Variants in SORBS2 observed in about 807,000 individuals in gnomAD.
SORBS2 encodes the protein sorbin and SH3 domain containing 2.
A neutral mutation model predicts 97.7 loss-of-function variants in SORBS2; 46 were observed. That is an observed-to-expected ratio of 0.47 (90% CI 0.37 to 0.60). SORBS2 has a LOEUF of 0.60. Ranked by LOEUF, SORBS2 falls within the 20% of genes least tolerant of loss-of-function variation. The pLI, the probability that SORBS2 is intolerant of heterozygous loss-of-function variation, is 0.00. For missense variants in SORBS2, 1,316 were observed against 1,282.3 expected, an observed-to-expected ratio of 1.03 and a Z score of -0.40; for synonymous variants, 476 against 473.4, an observed-to-expected ratio of 1.01 and a Z score of -0.07.
chr4:185,868,804 T>C (rs1372776039), intron 1 of SORBS2, among the ~76,000 whole-genome samples: 1 of 152,202 alleles, frequency 6.6e-6, no homozygotes, highest in Non-Finnish European at 1.5e-5. Context: ...TATTTTTGAA[T>C]CAGTAGAGAA....
At chr4:185,722,111 C>T (rs2098519369) in intron 2 of SORBS2, among the ~76,000 whole-genome samples, 1 of 152,172 alleles carries the variant, frequency 6.6e-6, no homozygotes, top group African/African-American at 2.4e-5. Context: ...TGCTTCAGAA[C>T]TACCCACAAA....
chr4:185,716,683 G>C (rs2098467850), intron 2 of SORBS2, among the ~76,000 whole-genome samples: 2 of 152,174 alleles, frequency 1.3e-5, no homozygotes, highest in South Asian at 4.1e-4. Context: ...CACAGATGGT[G>C]GAGTAAAATC....
intron 1 of SORBS2, among the ~76,000 whole-genome samples, chr4:185,777,035 C>G (rs1045354966): frequency 6.6e-6 from 1 of 151,760 alleles, no homozygotes; most frequent in Admixed American, 6.6e-5. Flanking sequence ...ATGGAAAATA[C>G]TGAGGATTAT....
intron 1 of SORBS2, among the ~76,000 whole-genome samples, chr4:185,901,112 T>C (rs1310068707): frequency 6.6e-6 from 1 of 152,228 alleles, no homozygotes; most frequent in African/African-American, 2.4e-5. Context: ...CAAAATTCAA[T>C]TTATATCTAT....
At chr4:185,864,946 G>A (rs1304380106) in intron 1 of SORBS2, among the ~76,000 whole-genome samples, 1 of 151,196 alleles carries the variant, frequency 6.6e-6, no homozygotes, top group East Asian at 1.9e-4. Flanking sequence ...TATCCTGGAC[G>A]GTGGGTTGTG....
chr4:185,625,451 CT>C (rs1278487648), intron 6 of SORBS2, among the ~76,000 whole-genome samples: 1 of 152,164 alleles, frequency 6.6e-6, no homozygotes. Flanking sequence ...CTATTCAATA[CT>C]TATACCTTAC....
chr4:185,677,235 A>G (rs1227824736), intron 4 of SORBS2: 1 of 1,551,644 alleles, frequency 6.4e-7, no homozygotes, highest in South Asian at 1.2e-5. Flanking sequence ...AGATTTGGAG[A>G]ACTGTGGAGT....
intron 2 of SORBS2, among the ~76,000 whole-genome samples, chr4:185,761,263 T>A (rs2098888226): frequency 6.6e-6 from 1 of 152,232 alleles, no homozygotes; most frequent in Non-Finnish European, 1.5e-5. Flanking sequence ...TGAATGTTGA[T>A]CTTGAAAATC....
chr4:185,933,506 C>G (rs958605338), intron 1 of SORBS2: 1 of 152,094 alleles, frequency 6.6e-6, no homozygotes, highest in Non-Finnish European at 1.5e-5. Flanking sequence ...AGACTGGTTC[C>G]TTCTGAGGCT....
intron 2 of SORBS2, among the ~76,000 whole-genome samples, chr4:185,692,685 G>T (rs940367984): frequency 2.6e-5 from 4 of 152,052 alleles, no homozygotes; most frequent in Non-Finnish European, 4.4e-5. Context: ...AATGATGAAA[G>T]AAAATAACAT....
At chr4:185,918,186 C>T (rs1327937817) in intron 1 of SORBS2, 2 of 152,124 alleles carry the variant, frequency 1.3e-5, no homozygotes, top group East Asian at 3.9e-4. Context: ...TAATCACCAA[C>T]ATTTCTTTGA....
At chr4:185,838,746 C>T (rs1275429929) in intron 1 of SORBS2, among the ~76,000 whole-genome samples, 1 of 152,162 alleles carries the variant, frequency 6.6e-6, no homozygotes, top group Non-Finnish European at 1.5e-5. Flanking sequence ...TTGCCTCTGC[C>T]TCGGGCTCTC....
At chr4:185,722,932 A>G (rs2153562012) in intron 2 of SORBS2, among the ~76,000 whole-genome samples, 1 of 152,246 alleles carries the variant, frequency 6.6e-6, no homozygotes, top group East Asian at 1.9e-4. Context: ...GAAGAAGGCA[A>G]ACATCTGAGA....
intron 1 of SORBS2, among the ~76,000 whole-genome samples, chr4:185,928,614 T>G (rs1018944500): frequency 6.6e-6 from 1 of 152,042 alleles, no homozygotes; most frequent in African/African-American, 2.4e-5. Context: ...GGCGCGATCT[T>G]GGCTCACTGC....
chr4:185,921,480 A>T (rs1213370829), intron 1 of SORBS2, among the ~76,000 whole-genome samples: 1 of 152,188 alleles, frequency 6.6e-6, no homozygotes, highest in Non-Finnish European at 1.5e-5. Flanking sequence ...TTTCCCTATT[A>T]TCCTGGAGGA....
chr4:185,813,505 C>T (rs1039241), intron 1 of SORBS2, among the ~76,000 whole-genome samples: 41,675 of 152,106 alleles, frequency 0.27, 6,023 homozygotes, highest in Middle Eastern at 0.35. Flanking sequence ...CCTTTTCTCA[C>T]TGAAGTTCCC....
At chr4:185,833,429 T>A (rs2099206228) in intron 1 of SORBS2, among the ~76,000 whole-genome samples, 1 of 152,226 alleles carries the variant, frequency 6.6e-6, no homozygotes, top group Admixed American at 6.5e-5. Context: ...CTGTGGCTTC[T>A]ATGCTTTTAA....
chr4:185,717,304 C>T (rs76787713), intron 2 of SORBS2, among the ~76,000 whole-genome samples: 9,265 of 151,878 alleles, frequency 0.061, 489 homozygotes, highest in African/African-American at 0.14. Flanking sequence ...AAGAAAAGGG[C>T]AGTGATTGCT....
intron 4 of SORBS2, chr4:185,638,886 A>AGACAGAGCC: frequency 2.7e-6 from 4 of 1,475,230 alleles, no homozygotes; most frequent in Non-Finnish European, 3.6e-6. Flanking sequence ...CCCGGGTGGG[A>AGACAGAGCC]GACAGAGCCG....
Sources: allele counts gnomAD v4.1 joint callset (sites outside exome capture counted in the v4.1 genomes callset), GRCh38; gene constraint gnomAD v4.1.1; transcripts MANE v1.5; gene names NCBI Gene and HGNC (gene_info 2026-07-23, HGNC 2026-07-21).